Variants in USP31 observed in about 807,000 individuals in gnomAD.
USP31 encodes the protein ubiquitin carboxyl-terminal hydrolase 31.
USP31 carries 44 observed loss-of-function variants against 119.4 expected under a neutral mutation model. The ratio of observed to expected loss-of-function variants is 0.37; its 90% CI spans 0.29 to 0.47. The LOEUF (loss-of-function observed/expected upper bound fraction) is 0.47, where lower values mean the gene tolerates loss of function less well. Among genes scored for constraint, USP31 ranks in the 20% least tolerant of loss-of-function variants. The pLI is 0.99. For synonymous variants in USP31, 749 were observed against 705.6 expected, an observed-to-expected ratio of 1.06 and a Z score of -0.97; for missense variants, 1,643 against 1,730.2, an observed-to-expected ratio of 0.95 and a Z score of 0.89.
intron 6 of USP31, among the ~76,000 whole-genome samples, chr16:23,098,591 C>T (rs1198835407): frequency 2.0e-5 from 3 of 152,092 alleles, no homozygotes; most frequent in Non-Finnish European, 4.4e-5. Flanking sequence ...GCTACAGTAA[C>T]CAAAACAGCA....
At position 23,068,762 on chromosome 16, in the gene USP31, G is replaced by A. The variant is rs781565933; in HGVS notation, c.3343C>T (p.Gln1115Ter). The A allele has an allele frequency of 1.9e-6, 3 of 1,582,038 alleles. No homozygotes were observed. Among genetic ancestry groups the A allele is most frequent in the Non-Finnish European group, 2.6e-6 (3 of 1,166,064 alleles). The change falls in exon 16 of 16, where the codon CAG becomes TAG. Residue 1115 changes from glutamine (Q) to a stop codon, truncating the protein, a stop_gained. Transcript: ENST00000219689. LOFTEE classifies it high-confidence loss of function. The stretch of plus-strand genomic sequence containing the variant: ...TAGGTGAGGGCCGAGGCTGACTTCT[G>A]CTTCTGTGGCGAAGGAGATGACACG... ...DSVSSPSPQK[Q>*]KSASALTYTA...
chr16:23,090,986 G>C (rs1281283135), intron 6 of USP31, among the ~76,000 whole-genome samples, 182 bp from the exon 7 acceptor site: 1 of 152,070 alleles, frequency 6.6e-6, no homozygotes, highest in Non-Finnish European at 1.5e-5. Flanking sequence ...AATTTCTTTA[G>C]CATCCATTAT....
intron 1 of USP31, among the ~76,000 whole-genome samples, chr16:23,136,717 A>G (rs1308926880): frequency 6.6e-6 from 1 of 152,178 alleles, no homozygotes; most frequent in Admixed American, 6.5e-5. Context: ...GACAGAGTGG[A>G]AGGTAATAGC....
rs1242745020 is a variant in USP31, at chr16:23,102,410, T to C, written c.1143A>G (p.Thr381=). 1 of 1,613,888 alleles carries C rather than the reference T, an allele frequency of 6.2e-7. No individual in the cohort carries two copies. Among genetic ancestry groups the C allele is most frequent in the Non-Finnish European group, 8.5e-7 (1 of 1,179,856 alleles). Reference sequence around the variant, plus strand: ...TTTCATGGACTGTTTCCAGGTCGTCTGTATCACAAAAGGAACGATGGAACC... The same window carrying C: ...TTTCATGGACTGTTTCCAGGTCGTCCGTATCACAAAAGGAACGATGGAACC... ...YDGFHRSFCD[T]DDLETVHESD... The change falls in exon 6 of 16, where the codon ACA becomes ACG. Residue 381 remains threonine (T), a synonymous_variant. Transcript: ENST00000219689.
At chr16:23,111,062 C>A (rs891201468) in intron 1 of USP31, among the ~76,000 whole-genome samples, 7 of 151,934 alleles carry the variant, frequency 4.6e-5, no homozygotes, top group Non-Finnish European at 8.8e-5. Flanking sequence ...CGGGAGGCAG[C>A]GCTTGCAGTG....
intron 13 of USP31, chr16:23,074,085 A>G: frequency 1.7e-6 from 1 of 589,666 alleles, no homozygotes; most frequent in Non-Finnish European, 3.0e-6. Context: ...AACCATTCCA[A>G]GTAGATGCAG....
chr16:23,064,687 G>A lies in USP31; in HGVS notation c.*3359C>T, dbSNP rs181707116. On this transcript the variant is annotated 3_prime_UTR_variant, in exon 16 of 16. Coordinates refer to ENST00000219689, the MANE Select transcript of USP31 (RefSeq NM_020718.4). ...ATCCACGTGATCTCTTTTCCCAGGA[G>A]AACTGTCACTCCATTTAGGACACCA... The A allele has an allele frequency of 6.6e-6, 1 of 152,302 alleles. No homozygotes were observed. Among genetic ancestry groups the A allele is most frequent in the East Asian group, 1.9e-4 (1 of 5,184 alleles). The allele number at this position is 152,302 out of a possible 1,614,324, so 9.4% of individuals were successfully genotyped here.
At chr16:23,140,191 TGA>T (rs1903313909) in intron 1 of USP31, among the ~76,000 whole-genome samples, 1 of 152,196 alleles carries the variant, frequency 6.6e-6, no homozygotes, top group Non-Finnish European at 1.5e-5. Context: ...TAAACTGTTG[TGA>T]CAGACTCTCA....
rs1903605574 is a variant in USP31 at position 23,148,665 on chromosome 16, G to A, written c.606C>T (p.Tyr202=). The change falls in exon 1 of 16, where the codon TAC becomes TAT. Residue 202 remains tyrosine (Y), a synonymous_variant. Transcript: ENST00000219689. The part of the protein sequence containing the change: ...HLVRALWTLE[Y]TPQHSRDFKT... ...TGAAGTCGCGGCTGTGCTGCGGGGT[G>A]TACTCCAGGGTCCAGAGGGCCCGCA... 2.0e-6 allele frequency: 3 copies of A among 1,497,516 alleles called. No homozygotes were observed. Among genetic ancestry groups the A allele is most frequent in the Non-Finnish European group, 2.7e-6 (3 of 1,127,136 alleles). The allele number at this position is 1,497,516 out of a possible 1,614,324, so 92.8% of individuals were successfully genotyped here. A position where few individuals can be genotyped will look rare whatever the true frequency, so the allele number is the denominator to read the frequency against.
In USP31 at chr16:23,066,886, T is replaced by C. The variant is rs1232079476; in HGVS notation, c.*1160A>G. Reference sequence around the variant, plus strand: ...TTAAGAACAAAGAAGAAATAATAAATGAGTTACTGAAAGGCAGCCCTAACA... The same window carrying C: ...TTAAGAACAAAGAAGAAATAATAAACGAGTTACTGAAAGGCAGCCCTAACA... On this transcript the variant is annotated 3_prime_UTR_variant, in exon 16 of 16. Transcript: ENST00000219689. 1 of 152,082 alleles carries C rather than the reference T, an allele frequency of 6.6e-6. No individual in the cohort carries two copies. The highest frequency in any genetic ancestry group is 6.5e-5 in the Admixed American group (1 of 15,270). 9.4% of individuals were successfully genotyped at this position (152,082 alleles called of 1,614,324 possible). A position where few individuals can be genotyped will look rare whatever the true frequency, so the allele number is the denominator to read the frequency against.
rs375578036 is a variant in USP31 at position 23,117,020 on chromosome 16, A to G, written c.634-8837T>C. Among the ~76,000 whole-genome samples the G allele has an allele frequency of 1.5e-4, 23 of 152,348 alleles. No homozygotes were observed. In the East Asian group the frequency reaches 3.5e-3, roughly 23 times the overall value. On this transcript the variant is annotated intron_variant, in intron 1 of 15. Coordinates refer to ENST00000219689, the MANE Select transcript of USP31 (RefSeq NM_020718.4). ...TTCGATTTCTAATTATTTGTGTTAT[A>G]CTTACCAGCTGAGTATCCCAAATTT... is the stretch of plus-strand genomic sequence containing the variant.
In USP31 at chr16:23,080,014, T is replaced by C. The variant is rs1596690054; in HGVS notation, c.2108A>G (p.Glu703Gly). ...RRPYGLGRDP[E>G]DYIYDLYAVC... Reference sequence around the variant, plus strand: ...AGCATACAGGTCATAGATGTAGTCCTCAGGGTCCCTCCCGAGTCCATAGGG... The same window carrying C: ...AGCATACAGGTCATAGATGTAGTCCCCAGGGTCCCTCCCGAGTCCATAGGG... The change falls in exon 13 of 16, where the codon GAG becomes GGG. Residue 703 changes from glutamate (E) to glycine (G), a missense_variant. Physicochemically the swap from Glu to Gly is moderately conservative, Grantham distance 98 (BLOSUM62 -2). Transcript: ENST00000219689. The C allele has an allele frequency of 2.5e-6, 4 of 1,614,100 alleles. No individual in the cohort carries two copies. The highest frequency in any genetic ancestry group is 3.4e-6 in the Non-Finnish European group (4 of 1,180,016).
At chr16:23,083,590 GTC>G (rs1900935770) in intron 11 of USP31, among the ~76,000 whole-genome samples, 1 of 131,316 alleles carries the variant, frequency 7.6e-6, no homozygotes. Flanking sequence ...CATCTCCAAA[GTC>G]ATTAAAAAAA....
rs1324835045 is a variant in USP31 at position 23,069,428 on chromosome 16, C to G, written c.2677G>C (p.Ala893Pro). 4.3e-6 allele frequency: 7 copies of G among 1,613,988 alleles called. No individual in the cohort carries two copies. Among genetic ancestry groups the G allele is most frequent in the Non-Finnish European group, 5.9e-6 (7 of 1,179,976 alleles). The change falls in exon 16 of 16, where the codon GCT (alanine) becomes CCT (proline). Residue 893 changes from alanine to proline, a missense_variant. By Grantham distance (27) the Ala-to-Pro change is conservative. Coordinates refer to ENST00000219689, the MANE Select transcript of USP31 (RefSeq NM_020718.4). The part of the protein sequence containing the change: ...FSGDSPIHSS[A>P]STLEKIGEAA... Reference sequence around the variant, plus strand: ...TCCCCAATCTTCTCCAAGGTGGAAGCAGAGCTGTGAATTGGCGAATCCCCT... The same window carrying G: ...TCCCCAATCTTCTCCAAGGTGGAAGGAGAGCTGTGAATTGGCGAATCCCCT...
chr16:23,068,752 G>A lies in USP31; in HGVS notation c.3353C>T (p.Ala1118Val), dbSNP rs780208079. 4.4e-6 allele frequency: 7 copies of A among 1,588,448 alleles called. No individual in the cohort carries two copies. In the Admixed American group the frequency reaches 1.1e-4, roughly 25 times the overall value. The change falls in exon 16 of 16, where the codon GCC (alanine) becomes GTC (valine). Residue 1118 changes from alanine (A) to valine (V), a missense_variant. Physicochemically the swap from Ala to Val is moderately conservative, Grantham distance 64 (BLOSUM62 0). Coordinates refer to ENST00000219689, the MANE Select transcript of USP31 (RefSeq NM_020718.4). ...SSPSPQKQKS[A>V]SALTYTASST... ...GGAAGCAGTGTAGGTGAGGGCCGAG[G>A]CTGACTTCTGCTTCTGTGGCGAAGG... is the stretch of plus-strand genomic sequence containing the variant.
intron 1 of USP31, among the ~76,000 whole-genome samples, chr16:23,128,324 G>A (rs1902928575): frequency 6.6e-6 from 1 of 152,256 alleles, no homozygotes; most frequent in African/African-American, 2.4e-5. Flanking sequence ...TGACATGCCA[G>A]GCTACTAGTA....
intron 1 of USP31, among the ~76,000 whole-genome samples, chr16:23,115,996 G>A (rs977635497): frequency 2.0e-5 from 3 of 152,140 alleles, no homozygotes; most frequent in African/African-American, 2.4e-5. Context: ...ACCCCAGGAA[G>A]AAGAAGAAAA....
At chr16:23,134,653 A>G (rs1170523921) in intron 1 of USP31, among the ~76,000 whole-genome samples, 15 of 150,376 alleles carry the variant, frequency 1.0e-4, no homozygotes, top group African/African-American at 3.2e-4. Flanking sequence ...TAAATATTTT[A>G]GAACACAGTA....
At chr16:23,135,340 A>G (rs1018355454) in intron 1 of USP31, among the ~76,000 whole-genome samples, 9 of 152,230 alleles carry the variant, frequency 5.9e-5, no homozygotes, top group African/African-American at 2.2e-4. Context: ...AGTTCTAGCC[A>G]GAGCAATTAG....
Sources: allele counts gnomAD v4.1 joint callset (sites outside exome capture counted in the v4.1 genomes callset), GRCh38; gene constraint gnomAD v4.1.1; transcripts MANE v1.5; gene names NCBI Gene and HGNC (gene_info 2026-07-23, HGNC 2026-07-21).